Variants in ZKSCAN8 observed in about 807,000 individuals in gnomAD.
ZKSCAN8 encodes zinc finger with KRAB and SCAN domains 8, also known as zinc finger protein with KRAB and SCAN domains 8.
A neutral mutation model predicts 57.2 loss-of-function variants in ZKSCAN8; 27 were observed. The observed-to-expected ratio is 0.47, with a 90% CI of 0.35 to 0.65. ZKSCAN8 has a LOEUF of 0.65. Among genes scored for constraint, ZKSCAN8 ranks in the 30% least tolerant of loss-of-function variants. ZKSCAN8 has a pLI of 0.01. For missense variants in ZKSCAN8, 597 were observed against 696.3 expected (o/e 0.86, Z 1.60); for synonymous variants, 214 against 248.7 (o/e 0.86, Z 1.31).
At position 28,154,120 on chromosome 6, in the gene ZKSCAN8, T is replaced by C. The variant is rs1765703649; in HGVS notation, c.*103T>C. On this transcript the variant is annotated 3_prime_UTR_variant, in exon 6 of 6. Transcript: ENST00000330236. The stretch of plus-strand genomic sequence containing the variant: ...AAAAGGCAGAAAGGTCATCACAACT[T>C]TAGTGTCAGAATCTATAGTGGTGGC... 2 of 1,475,788 alleles carry C rather than the reference T, an allele frequency of 1.4e-6. No individual in the cohort carries two copies. The highest frequency in any genetic ancestry group is 1.8e-6 in the Non-Finnish European group (2 of 1,113,630). The allele number at this position is 1,475,788 out of a possible 1,614,324, so 91.4% of individuals were successfully genotyped here. A position where few individuals can be genotyped will look rare whatever the true frequency, so the allele number is the denominator to read the frequency against.
Position 28,149,034 on chromosome 6 carries a change from A to G in ZKSCAN8, c.417+210A>G, listed in dbSNP as rs143509840. On this transcript the variant is annotated intron_variant, in intron 2 of 5. Coordinates refer to ENST00000330236, the MANE Select transcript of ZKSCAN8 (RefSeq NM_006298.4). Reference sequence around the variant, plus strand: ...TTGTTTTTGTCGTCATAACATCCCTACGACTGTATTGTTCTTGTTTGCCAG... The same window carrying G: ...TTGTTTTTGTCGTCATAACATCCCTGCGACTGTATTGTTCTTGTTTGCCAG... 3.7e-3 allele frequency among the ~76,000 whole-genome samples: 560 copies of G among 152,298 alleles called. 7 individuals are homozygous for G. Among genetic ancestry groups the G allele is most frequent in the Admixed American group, 0.011 (175 of 15,300 alleles).
Position 28,153,682 on chromosome 6 carries a change from G to T in ZKSCAN8, c.1402G>T (p.Gly468Trp). ...GEKPYECDEC[G>W]KTFRRSSHLI... is the part of the protein sequence containing the mutation. ...GAAGCCCTATGAGTGTGATGAGTGTGGGAAAACCTTCAGGCGGAGCTCACA... is the reference window on the plus strand; with the variant it reads ...GAAGCCCTATGAGTGTGATGAGTGTTGGAAAACCTTCAGGCGGAGCTCACA... Residue 468 changes from glycine to tryptophan, a missense_variant, in exon 6 of 6, where the codon GGG (glycine) becomes TGG (tryptophan). Physicochemically the swap from Gly to Trp is radical, Grantham distance 184 (BLOSUM62 -2). Coordinates refer to ENST00000330236, the MANE Select transcript of ZKSCAN8 (RefSeq NM_006298.4). 1 of 1,614,004 alleles carries T rather than the reference G, an allele frequency of 6.2e-7. No homozygotes were observed.
intron 3 of ZKSCAN8, among the ~76,000 whole-genome samples, chr6:28,150,574 C>T (rs1349903500): frequency 6.6e-6 from 1 of 151,916 alleles, no homozygotes; most frequent in Non-Finnish European, 1.5e-5. Flanking sequence ...TATCTTAGTC[C>T]TCATTAAACT....
At position 28,156,021 on chromosome 6, in the gene ZKSCAN8, T is replaced by TTG. The variant is rs1765768981; in HGVS notation, c.*2006_*2007dup. On this transcript the variant is annotated 3_prime_UTR_variant, in exon 6 of 6. Coordinates refer to ENST00000330236, the MANE Select transcript of ZKSCAN8 (RefSeq NM_006298.4). ...AGAAACCAGAAACAAGTAAATCTGGTTGTATCTAGATCTTTGCTCTGTGTT... is the reference window on the plus strand; with the variant it reads ...AGAAACCAGAAACAAGTAAATCTGGTTGTGTATCTAGATCTTTGCTCTGTGTT... 1 of 397,228 alleles carries TTG rather than the reference T, an allele frequency of 2.5e-6. No homozygotes were observed. Among genetic ancestry groups the TTG allele is most frequent in the African/African-American group, 2.1e-5 (1 of 48,728 alleles). 24.6% of individuals were successfully genotyped at this position (397,228 alleles called of 1,614,324 possible).
intron 2 of ZKSCAN8, 27 bp downstream of exon 2, chr6:28,148,851 T>A (rs200206104): frequency 1.1e-4 from 176 of 1,587,058 alleles, no homozygotes; most frequent in Non-Finnish European, 1.5e-4. Context: ...ATGCGTGCTA[T>A]GACTGTGGGA....
In ZKSCAN8 at chr6:28,152,275, T is replaced by G. The variant is rs538735102; in HGVS notation, c.666T>G (p.Ile222Met). 48 of 1,611,138 alleles carry G rather than the reference T, an allele frequency of 3.0e-5. 1 individual carries two copies. The South Asian group carries it at 5.2e-4, about 17-fold the overall frequency. ...TTTTGTTTCAGACTTTGGAGAAGAT[T>G]GAAGACATGGCTGTGTCCCTTATTC... ...LTAGFQTLEK[I>M]EDMAVSLIRE... Residue 222 changes from isoleucine to methionine, a missense_variant, in exon 5 of 6, where the codon ATT becomes ATG. Transcript: ENST00000330236.
chr6:28,148,538 C>T lies in ZKSCAN8; in HGVS notation c.131C>T (p.Pro44Leu), dbSNP rs766323123. The T allele has an allele frequency of 6.2e-6, 10 of 1,614,014 alleles. No homozygotes were observed. In the South Asian group the frequency reaches 9.9e-5, roughly 16 times the overall value. The change falls in exon 2 of 6, where the codon CCT becomes CTT. Residue 44 changes from proline (P) to leucine (L), a missense_variant. Pro to Leu is a moderately conservative substitution (Grantham distance 98). Coordinates refer to ENST00000330236, the MANE Select transcript of ZKSCAN8 (RefSeq NM_006298.4). The part of the protein sequence containing the change: ...DQESSLHESN[P>L]LGQEVFRLRF... ...GAATCTAGTCTGCATGAAAGTAACC[C>T]TCTTGGCCAAGAAGTGTTCCGCCTG...
chr6:28,156,607 A>G lies in ZKSCAN8; in HGVS notation c.*2590A>G, dbSNP rs1472223573. ...AAATCATTCTTTGTCTCAAGTTCAC[A>G]CTCTTAGCATAGAATATTATTGACT... On this transcript the variant is annotated 3_prime_UTR_variant, in exon 6 of 6. Coordinates refer to ENST00000330236, the MANE Select transcript of ZKSCAN8 (RefSeq NM_006298.4). The G allele has an allele frequency of 6.0e-6, 1 of 166,522 alleles. No individual in the cohort carries two copies. Among genetic ancestry groups the G allele is most frequent in the Non-Finnish European group, 1.3e-5 (1 of 78,054 alleles). The allele number at this position is 166,522 out of a possible 1,614,324, so 10.3% of individuals were successfully genotyped here.
At chr6:28,152,052 A>C in intron 4 of ZKSCAN8, 116 bp downstream of exon 4, 1 of 1,399,918 alleles carries the variant, frequency 7.1e-7, no homozygotes, top group Non-Finnish European at 9.8e-7. Context: ...AAGTTGTCCC[A>C]AAAATTCTTT....
intron 3 of ZKSCAN8, among the ~76,000 whole-genome samples, chr6:28,150,207 T>G (rs992011255): frequency 6.6e-6 from 1 of 152,238 alleles, no homozygotes; most frequent in African/African-American, 2.4e-5. Flanking sequence ...CATGGCTGTT[T>G]AGTCTCCTTT....
intron 5 of ZKSCAN8, 73 bp downstream of exon 5, chr6:28,152,457 C>T (rs570754680): frequency 6.7e-7 from 1 of 1,496,922 alleles, no homozygotes; most frequent in Non-Finnish European, 8.9e-7. Flanking sequence ...ATAGTAGCTA[C>T]AGCCTTTCTG....
At chr6:28,151,057 C>T (rs1765575761) in intron 3 of ZKSCAN8, among the ~76,000 whole-genome samples, 1 of 152,168 alleles carries the variant, frequency 6.6e-6, no homozygotes, top group African/African-American at 2.4e-5. Flanking sequence ...CTGCCCACTT[C>T]AGCCTCCCAA....
At position 28,152,381 on chromosome 6, in the gene ZKSCAN8, CT is replaced by C; in HGVS notation, c.773del (p.Leu258ArgfsTer12). On this transcript the variant is annotated frameshift_variant and splice_region_variant, in exon 5 of 6. Transcript: ENST00000330236. LOFTEE classifies it high-confidence loss of function. ...AGAAAATTTCAGAAACATGTTCTCC[CT>C]GGGTAAGGAGAGGTGTGGTTATTAT... Reference protein sequence around the residue: ...RPENFRNMFSLGGETRSENRE... With the variant: ...RPENFRNMFSXGGETRSENRE... 1 of 1,607,010 alleles carries C rather than the reference CT, an allele frequency of 6.2e-7. No individual in the cohort carries two copies. Among genetic ancestry groups the C allele is most frequent in the Non-Finnish European group, 8.5e-7 (1 of 1,177,990 alleles).
chr6:28,152,122 T>G, intron 4 of ZKSCAN8, 139 bp from the exon 5 acceptor site: 1 of 1,408,998 alleles, frequency 7.1e-7, no homozygotes, highest in Non-Finnish European at 9.6e-7. Context: ...TTTCCTCTTC[T>G]TCCTAGCTAT....
In ZKSCAN8 at chr6:28,153,425, A is replaced by G. The variant is rs753865572; in HGVS notation, c.1145A>G (p.Glu382Gly). ...AAAGTAAAACGCTATCACTGTAAGG[A>G]GTGTGGCAAAGCCTTCAGTCAGAAC... ...HNKVKRYHCKECGKAFSQNTG... is the reference protein window; with the variant it reads ...HNKVKRYHCKGCGKAFSQNTG... Residue 382 changes from glutamate to glycine, a missense_variant, in exon 6 of 6, where the codon GAG (glutamate) becomes GGG (glycine). Coordinates refer to ENST00000330236, the MANE Select transcript of ZKSCAN8 (RefSeq NM_006298.4). The G allele has an allele frequency of 1.2e-6, 2 of 1,614,216 alleles. No individual in the cohort carries two copies. Among genetic ancestry groups the G allele is most frequent in the East Asian group, 4.5e-5 (2 of 44,884 alleles).
Position 28,156,536 on chromosome 6 carries a change from A to G in ZKSCAN8, c.*2519A>G, listed in dbSNP as rs921744424. Reference sequence around the variant, plus strand: ...ACATATACAGAATTAGCCAAATGGTATAAGACAATAGAAAAAGGCTGTGGA... The same window carrying G: ...ACATATACAGAATTAGCCAAATGGTGTAAGACAATAGAAAAAGGCTGTGGA... On this transcript the variant is annotated 3_prime_UTR_variant, in exon 6 of 6. Coordinates refer to ENST00000330236, the MANE Select transcript of ZKSCAN8 (RefSeq NM_006298.4). 2.1e-5 allele frequency: 5 copies of G among 232,602 alleles called. No homozygotes were observed. Among genetic ancestry groups the G allele is most frequent in the Non-Finnish European group, 3.3e-5 (4 of 121,414 alleles). The allele number at this position is 232,602 out of a possible 1,614,324, so 14.4% of individuals were successfully genotyped here.
intron 3 of ZKSCAN8, 33 bp from the exon 4 acceptor site, chr6:28,151,812 C>A (rs1231330185): frequency 9.0e-6 from 14 of 1,563,934 alleles, no homozygotes; most frequent in Non-Finnish European, 1.2e-5. Flanking sequence ...CAGGACAGGA[C>A]TGGTCTCATT....
intron 1 of ZKSCAN8, among the ~76,000 whole-genome samples, chr6:28,143,929 C>A (rs1765302607): frequency 6.6e-6 from 1 of 152,032 alleles, no homozygotes; most frequent in African/African-American, 2.4e-5. Context: ...AAATTGATTA[C>A]CCTTTCTCAA....
Position 28,156,231 on chromosome 6 carries a change from TA to T in ZKSCAN8, c.*2219del, listed in dbSNP as rs1159692758. On this transcript the variant is annotated 3_prime_UTR_variant, in exon 6 of 6. Coordinates refer to ENST00000330236, the MANE Select transcript of ZKSCAN8 (RefSeq NM_006298.4). ...GAAGAACGCTTCTCTTCTATTCCAATAAAAAGTCCTTTTAGCAATGCAACAT... is the reference window on the plus strand; with the variant it reads ...GAAGAACGCTTCTCTTCTATTCCAATAAAAGTCCTTTTAGCAATGCAACAT... The T allele has an allele frequency of 2.5e-6, 1 of 398,416 alleles. No individual in the cohort carries two copies. Among genetic ancestry groups the T allele is most frequent in the Non-Finnish European group, 4.4e-6 (1 of 225,908 alleles). 24.7% of individuals were successfully genotyped at this position (398,416 alleles called of 1,614,324 possible). A position where few individuals can be genotyped will look rare whatever the true frequency, so the allele number is the denominator to read the frequency against.
Sources: allele counts gnomAD v4.1 joint callset (sites outside exome capture counted in the v4.1 genomes callset), GRCh38; gene constraint gnomAD v4.1.1; transcripts MANE v1.5; gene names NCBI Gene and HGNC (gene_info 2026-07-23, HGNC 2026-07-21).